The following ZMAT4 variants were observed in gnomAD, a reference collection of about 807,000 sequenced individuals.
ZMAT4 encodes zinc finger matrin-type protein 4.
ZMAT4 carries 17 observed loss-of-function variants against 28.7 expected under a neutral mutation model. The ratio of observed to expected loss-of-function variants is 0.59; its 90% CI spans 0.41 to 0.89. The LOEUF is 0.89. Among genes scored for constraint, ZMAT4 ranks in the 40% least tolerant of loss-of-function variants. ZMAT4 has a pLI of 0.00. For synonymous variants in ZMAT4, 117 were observed against 109.2 expected, an observed-to-expected ratio of 1.07 and a Z score of -0.44; for missense variants, 240 against 283.8, an observed-to-expected ratio of 0.85 and a Z score of 1.11.
chr8:40,689,735 GGATT>G (rs890102498), intron 4 of ZMAT4, among the ~76,000 whole-genome samples: 10 of 151,814 alleles, frequency 6.6e-5, no homozygotes, highest in African/African-American at 2.2e-4. Context: ...TTTTGCGTAT[GGATT>G]TCAAGTCCTG....
chr8:40,554,697 C>T (rs1430477201), intron 6 of ZMAT4, among the ~76,000 whole-genome samples: 2 of 152,042 alleles, frequency 1.3e-5, no homozygotes, highest in Non-Finnish European at 2.9e-5. Context: ...TAGTATTTTA[C>T]ATATTTATGG....
Position 40,579,089 on chromosome 8 carries a change from G to A in ZMAT4, c.674+2076C>T, listed in dbSNP as rs183086096. On this transcript the variant is annotated intron_variant, in intron 6 of 6. Coordinates refer to ENST00000297737, the MANE Select transcript of ZMAT4 (RefSeq NM_024645.3). Reference sequence around the variant, plus strand: ...TAATATTTATCTCAAGGGTAGTTAAGGGAATTAAATGAGATAATAGATGTG... The same window carrying A: ...TAATATTTATCTCAAGGGTAGTTAAAGGAATTAAATGAGATAATAGATGTG... 3.3e-5 allele frequency among the ~76,000 whole-genome samples: 5 copies of A among 152,228 alleles called. No homozygotes were observed. In the East Asian group the frequency reaches 9.6e-4, roughly 29 times the overall value.
In ZMAT4 at chr8:40,820,934, G is replaced by A. The variant is rs376999139; in HGVS notation, c.102+4641C>T. Among the ~76,000 whole-genome samples, 73 of 9,040 alleles carry A rather than the reference G, an allele frequency of 8.1e-3. No homozygotes were observed. The East Asian group carries it at 0.17, about 21-fold the overall frequency. The allele number at this position is 9,040 out of a possible 152,430, so 5.9% of individuals were successfully genotyped here. A position where few individuals can be genotyped will look rare whatever the true frequency, so the allele number is the denominator to read the frequency against. ...GTATGTGTGTGGGTGTGTGTAGGAA[G>A]TGGGGGGCATATATGTGTGTGTCTG... On this transcript the variant is annotated intron_variant, in intron 2 of 6. Transcript: ENST00000297737.
chr8:40,853,471 T>C (rs1586170912), intron 1 of ZMAT4, among the ~76,000 whole-genome samples: 1 of 152,044 alleles, frequency 6.6e-6, no homozygotes, highest in Non-Finnish European at 1.5e-5. Flanking sequence ...CAGGAGAATC[T>C]CTTGAACCCA....
At chr8:40,633,495 G>A (rs1423952937) in intron 5 of ZMAT4, among the ~76,000 whole-genome samples, 1 of 152,158 alleles carries the variant, frequency 6.6e-6, no homozygotes, top group Non-Finnish European at 1.5e-5. Context: ...CCAGAAGATG[G>A]GGAGATATTT....
intron 3 of ZMAT4, among the ~76,000 whole-genome samples, chr8:40,716,774 C>A (rs1484705982): frequency 6.6e-6 from 1 of 152,198 alleles, no homozygotes; most frequent in East Asian, 1.9e-4. Context: ...TTCATTACTA[C>A]TCTGTGCTCC....
At chr8:40,846,181 CA>C (rs1287864466) in intron 1 of ZMAT4, among the ~76,000 whole-genome samples, 3 of 152,144 alleles carry the variant, frequency 2.0e-5, no homozygotes, top group Non-Finnish European at 4.4e-5. Context: ...CCCTCCCTAC[CA>C]AAATAAATAA....
intron 3 of ZMAT4, among the ~76,000 whole-genome samples, chr8:40,739,449 T>A (rs1472628336): frequency 6.6e-6 from 1 of 152,204 alleles, no homozygotes; most frequent in African/African-American, 2.4e-5. Flanking sequence ...TATTAAAGTG[T>A]GTAAGACACT....
At chr8:40,563,922 T>G (rs1004189212) in intron 6 of ZMAT4, among the ~76,000 whole-genome samples, 1 of 152,088 alleles carries the variant, frequency 6.6e-6, no homozygotes, top group Non-Finnish European at 1.5e-5. Context: ...TTGCTCCCCA[T>G]GGCAGGTCTC....
At chr8:40,792,824 A>T (rs934911961) in intron 2 of ZMAT4, among the ~76,000 whole-genome samples, 1 of 151,116 alleles carries the variant, frequency 6.6e-6, no homozygotes, top group Non-Finnish European at 1.5e-5. Flanking sequence ...ACTTAAATGC[A>T]TATTACTAAG....
At chr8:40,637,219 T>C (rs957897696) in intron 5 of ZMAT4, among the ~76,000 whole-genome samples, 11 of 152,148 alleles carry the variant, frequency 7.2e-5, no homozygotes, top group South Asian at 2.1e-4. Context: ...TCCGAGGGAA[T>C]GCCACAGTAA....
intron 6 of ZMAT4, among the ~76,000 whole-genome samples, chr8:40,571,269 G>A (rs1804088655): frequency 6.7e-6 from 1 of 149,434 alleles, no homozygotes; most frequent in Admixed American, 6.8e-5. Context: ...TGTATCCCTA[G>A]GTACAGCCTG....
At chr8:40,740,616 T>C (rs1230332962) in intron 3 of ZMAT4, among the ~76,000 whole-genome samples, 6 of 152,222 alleles carry the variant, frequency 3.9e-5, no homozygotes, top group Non-Finnish European at 8.8e-5. Flanking sequence ...TTACTGTTAG[T>C]TGTTACTCAC....
chr8:40,626,232 C>T (rs1167410820), intron 5 of ZMAT4, among the ~76,000 whole-genome samples: 5 of 152,034 alleles, frequency 3.3e-5, no homozygotes. Flanking sequence ...ACTTCCTTCC[C>T]TGGAATCAAG....
At chr8:40,859,969 T>C (rs1586180337) in intron 1 of ZMAT4, among the ~76,000 whole-genome samples, 1 of 152,156 alleles carries the variant, frequency 6.6e-6, no homozygotes, top group Admixed American at 6.5e-5. Context: ...GTTAACTCTA[T>C]TGAATGAAAA....
At chr8:40,649,007 C>T (rs541762860) in intron 5 of ZMAT4, among the ~76,000 whole-genome samples, 1 of 144,602 alleles carries the variant, frequency 6.9e-6, no homozygotes, top group African/African-American at 2.5e-5. Context: ...TAGGAAGAAA[C>T]TGCATCAACT....
intron 6 of ZMAT4, among the ~76,000 whole-genome samples, chr8:40,538,229 C>T (rs2118366903): frequency 6.6e-6 from 1 of 152,296 alleles, no homozygotes; most frequent in Middle Eastern, 3.4e-3. Context: ...GCCTCTGCAA[C>T]CCTTTGTTTT....
chr8:40,790,980 C>T (rs1814302244), intron 2 of ZMAT4, among the ~76,000 whole-genome samples: 1 of 152,222 alleles, frequency 6.6e-6, no homozygotes, highest in Non-Finnish European at 1.5e-5. Context: ...AAGAGATTCA[C>T]ATTTATATGG....
chr8:40,793,770 G>T (rs1814464341), intron 2 of ZMAT4, among the ~76,000 whole-genome samples: 1 of 152,146 alleles, frequency 6.6e-6, no homozygotes, highest in Non-Finnish European at 1.5e-5. Context: ...CAAGGTTGAG[G>T]GGTCCCCTGA....
Sources: allele counts gnomAD v4.1 joint callset (sites outside exome capture counted in the v4.1 genomes callset), GRCh38; gene constraint gnomAD v4.1.1; transcripts MANE v1.5; gene names NCBI Gene and HGNC (gene_info 2026-07-23, HGNC 2026-07-21).